The following ACER3 variants were observed in gnomAD, a reference collection of about 807,000 sequenced individuals.
ACER3 encodes the protein alkaline ceramidase 3.
Under a neutral mutation model 48.9 loss-of-function variants are expected in ACER3, and 16 were observed. The observed-to-expected ratio is 0.33, with a 90% confidence interval of 0.22 to 0.50. ACER3 has a LOEUF of 0.50. Among genes scored for constraint, ACER3 ranks in the 20% least tolerant of loss-of-function variants. ACER3 has a pLI of 0.98. For missense variants in ACER3, 227 were observed against 326.0 expected, an observed-to-expected ratio of 0.70 and a Z score of 2.34; for synonymous variants, 109 against 107.8, an observed-to-expected ratio of 1.01 and a Z score of -0.07.
At chr11:76,940,775 C>T (rs1330950171) in intron 2 of ACER3, among the ~76,000 whole-genome samples, 3 of 152,118 alleles carry the variant, frequency 2.0e-5, no homozygotes, top group Non-Finnish European at 4.4e-5. Flanking sequence ...TCCGTCCCTT[C>T]TATAAGACGA....
At chr11:76,946,907 C>G (rs1487382643) in intron 2 of ACER3, among the ~76,000 whole-genome samples, 1 of 152,176 alleles carries the variant, frequency 6.6e-6, no homozygotes, top group East Asian at 1.9e-4. Context: ...TTCTCCCTAG[C>G]CAAGATTGTA....
At chr11:77,000,581 T>C (rs1313330465) in intron 7 of ACER3, among the ~76,000 whole-genome samples, 1 of 152,256 alleles carries the variant, frequency 6.6e-6, no homozygotes, top group African/African-American at 2.4e-5. Context: ...TTTCAGTTCA[T>C]TTTGTATAAG....
chr11:76,978,833 G>A (rs1948511213), intron 4 of ACER3, among the ~76,000 whole-genome samples: 1 of 152,196 alleles, frequency 6.6e-6, no homozygotes, highest in South Asian at 2.1e-4. Flanking sequence ...GTCCAGATGG[G>A]GGTGCCCACA....
intron 1 of ACER3, among the ~76,000 whole-genome samples, chr11:76,865,462 A>G (rs2134494802): frequency 6.6e-6 from 1 of 150,882 alleles, no homozygotes; most frequent in East Asian, 1.9e-4. Context: ...TACTTTATGC[A>G]TTTACGTTGA....
intron 2 of ACER3, among the ~76,000 whole-genome samples, chr11:76,933,982 T>G (rs10899325): frequency 0.59 from 86,288 of 146,822 alleles, 27,843 homozygotes; most frequent in Non-Finnish European, 0.74. Flanking sequence ...GTCGCGGCTG[T>G]GCAGACGTGC....
At chr11:76,922,119 T>C (rs889966518) in intron 1 of ACER3, among the ~76,000 whole-genome samples, 1 of 152,166 alleles carries the variant, frequency 6.6e-6, no homozygotes, top group Non-Finnish European at 1.5e-5. Flanking sequence ...CTGTCATCTT[T>C]CTGTCTTTGG....
intron 1 of ACER3, among the ~76,000 whole-genome samples, chr11:76,869,629 A>C (rs909149250): frequency 4.6e-5 from 7 of 151,804 alleles, no homozygotes. Flanking sequence ...TGTATCCATT[A>C]AACAACTCCC....
chr11:76,877,051 A>G (rs1488180967), intron 1 of ACER3, among the ~76,000 whole-genome samples: 3 of 152,190 alleles, frequency 2.0e-5, no homozygotes, highest in African/African-American at 7.2e-5. Context: ...TTCTTAGAAG[A>G]TGAGACTAAA....
chr11:77,015,159 AT>A, intron 8 of ACER3, 42 bp downstream of exon 8: 1 of 1,135,226 alleles, frequency 8.8e-7, no homozygotes, highest in Non-Finnish European at 1.3e-6. Flanking sequence ...TTTTGGAAGC[AT>A]TTTATTAAGT....
intron 7 of ACER3, among the ~76,000 whole-genome samples, chr11:77,004,793 C>A (rs1949100175): frequency 6.6e-6 from 1 of 152,058 alleles, no homozygotes; most frequent in Non-Finnish European, 1.5e-5. Flanking sequence ...TTAGTTTCAA[C>A]CTGATCATAC....
chr11:76,907,259 C>T (rs1004823295), intron 1 of ACER3, among the ~76,000 whole-genome samples: 4 of 152,208 alleles, frequency 2.6e-5, no homozygotes, highest in Admixed American at 6.5e-5. Flanking sequence ...TCAGTGGCCC[C>T]ATCACAGCAC....
intron 1 of ACER3, among the ~76,000 whole-genome samples, chr11:76,869,268 G>A (rs1301172994): frequency 3.9e-5 from 6 of 152,214 alleles, no homozygotes; most frequent in African/African-American, 1.2e-4. Context: ...GGTCACAGAA[G>A]TCTTCTGTGA....
chr11:77,008,569 GT>G (rs1949201368), intron 7 of ACER3, among the ~76,000 whole-genome samples: 1 of 152,132 alleles, frequency 6.6e-6, no homozygotes. Flanking sequence ...TAAAGTCTTA[GT>G]TATCTTGGTA....
At chr11:76,952,507 C>T (rs79510092) in intron 2 of ACER3, among the ~76,000 whole-genome samples, 2 of 151,492 alleles carry the variant, frequency 1.3e-5, no homozygotes, top group African/African-American at 4.9e-5. Context: ...ATCTGCCCAC[C>T]TTGGCCTCTC....
chr11:76,882,165 C>T (rs796512805), intron 1 of ACER3, among the ~76,000 whole-genome samples: 8 of 151,952 alleles, frequency 5.3e-5, no homozygotes, highest in Non-Finnish European at 7.4e-5. Context: ...CCACCACGCC[C>T]GGCTAATTTT....
rs759806802 is a variant in ACER3, at chr11:76,913,518, GTTC to G, written c.104-13036_104-13034del. ...ATTGGCTGTGGGTTTGTCATAAATAGTTCTTATTATTTTGAGATACGTCCCATC... is the reference window on the plus strand; with the variant it reads ...ATTGGCTGTGGGTTTGTCATAAATAGTTATTATTTTGAGATACGTCCCATC... On this transcript the variant is annotated intron_variant, in intron 1 of 10. Transcript: ENST00000532485. 4.5e-3 allele frequency among the ~76,000 whole-genome samples: 651 copies of G among 145,766 alleles called. 1 individual carries two copies. Among genetic ancestry groups the G allele is most frequent in the Non-Finnish European group, 7.1e-3 (455 of 64,460 alleles).
Position 77,022,997 on chromosome 11 carries a change from A to C in ACER3, c.*2670A>C, listed in dbSNP as rs1949496660. On this transcript the variant is annotated 3_prime_UTR_variant, in exon 11 of 11. Coordinates refer to ENST00000532485, the MANE Select transcript of ACER3 (RefSeq NM_018367.7). ...ACTCTTGAAAACTGAAAGCAATTTGACTTTTATTTTTGTTTTTCTAAAGAA... is the reference window on the plus strand; with the variant it reads ...ACTCTTGAAAACTGAAAGCAATTTGCCTTTTATTTTTGTTTTTCTAAAGAA... 12 of 396,266 alleles carry C rather than the reference A, an allele frequency of 3.0e-5. No individual in the cohort carries two copies. The highest frequency in any genetic ancestry group is 5.3e-5 in the Non-Finnish European group (12 of 225,062). 24.5% of individuals were successfully genotyped at this position (396,266 alleles called of 1,614,324 possible).
At position 76,878,714 on chromosome 11, in the gene ACER3, G is replaced by A. The variant is rs183448391; in HGVS notation, c.103+17635G>A. Among the ~76,000 whole-genome samples the A allele has an allele frequency of 1.9e-3, 287 of 152,104 alleles. 1 individual carries two copies. Among genetic ancestry groups the A allele is most frequent in the African/African-American group, 6.6e-3 (275 of 41,526 alleles). On this transcript the variant is annotated intron_variant, in intron 1 of 10. Coordinates refer to ENST00000532485, the MANE Select transcript of ACER3 (RefSeq NM_018367.7). ...CTAGGATTGGAATTGCCAGGTTAGG[G>A]TTGGTTTATGTTTAGTTTTCTAAGA... is the stretch of plus-strand genomic sequence containing the variant.
At chr11:76,976,717 A>C (rs892478736) in intron 4 of ACER3, among the ~76,000 whole-genome samples, 1 of 152,230 alleles carries the variant, frequency 6.6e-6, no homozygotes, top group African/African-American at 2.4e-5. Context: ...AAAGTGAGGT[A>C]CACTTCTAGT....
Sources: allele counts gnomAD v4.1 joint callset (sites outside exome capture counted in the v4.1 genomes callset), GRCh38; gene constraint gnomAD v4.1.1; transcripts MANE v1.5; gene names NCBI Gene and HGNC (gene_info 2026-07-23, HGNC 2026-07-21).